SPATA21: variants seen among roughly 807,000 people sequenced by gnomAD.
The protein encoded by SPATA21 is spermatogenesis-associated protein 21.
A neutral mutation model predicts 54.8 loss-of-function variants in SPATA21; 47 were observed. The observed-to-expected ratio is 0.86, with a 90% CI of 0.68 to 1.09. The LOEUF (loss-of-function observed/expected upper bound fraction) is 1.09, where lower values mean the gene tolerates loss of function less well. Ranked by LOEUF, SPATA21 falls within the 50% of genes least tolerant of loss-of-function variation. The pLI is 0.00. For missense variants in SPATA21, 599 were observed against 596.4 expected, an observed-to-expected ratio of 1.00 and a Z score of -0.05; for synonymous variants, 245 against 235.3, an observed-to-expected ratio of 1.04 and a Z score of -0.38.
intron 5 of SPATA21, among the ~76,000 whole-genome samples, chr1:16,412,785 T>C (rs1282958427): frequency 6.6e-6 from 1 of 151,430 alleles, no homozygotes; most frequent in Admixed American, 6.6e-5. Flanking sequence ...TTAACGATTT[T>C]CTTTCTTTCT....
chr1:16,421,575 C>T lies in SPATA21; in HGVS notation c.96-18G>A. 2.5e-6 allele frequency: 4 copies of T among 1,611,548 alleles called. No individual in the cohort carries two copies. The highest frequency in any genetic ancestry group is 3.4e-6 in the Non-Finnish European group (4 of 1,179,104). On this transcript the variant is annotated intron_variant, in intron 4 of 12. Transcript: ENST00000335496. The surrounding 1 kb of genome is among the most constrained non-coding windows in gnomAD (Gnocchi z 5.2). ...CCTCACCCCTGAATAGAAGAGAAAC[C>T]CCCAGGTGGGGGAAGCGCTCAGCTG...
intron 5 of SPATA21, among the ~76,000 whole-genome samples, chr1:16,413,028 C>T (rs530822993): frequency 2.0e-5 from 3 of 151,330 alleles, no homozygotes; most frequent in South Asian, 4.2e-4. Flanking sequence ...TTGATCCGCC[C>T]GCCTTGGCCT....
Position 16,421,389 on chromosome 1 carries a change from T to C in SPATA21, c.144+120A>G. 1 of 984,848 alleles carries C rather than the reference T, an allele frequency of 1.0e-6. No individual in the cohort carries two copies. Among genetic ancestry groups the C allele is most frequent in the Admixed American group, 2.6e-5 (1 of 38,136 alleles). The allele number at this position is 984,848 out of a possible 1,614,324, so 61.0% of individuals were successfully genotyped here. ...AACACACAGCCACACACACCTTCCT[T>C]GGTTTGACTCCAAATAGGGGTTTGA... On this transcript the variant is annotated intron_variant, in intron 5 of 12. Transcript: ENST00000335496. This position sits in a 1 kb window ranked among gnomAD's most constrained non-coding sequence, Gnocchi z 5.2.
At chr1:16,427,408 C>A (rs1008913312) in intron 3 of SPATA21, among the ~76,000 whole-genome samples, 4 of 151,986 alleles carry the variant, frequency 2.6e-5, no homozygotes, top group Non-Finnish European at 5.9e-5. Flanking sequence ...CTATCTGGCT[C>A]GCTCTTGATT....
intron 7 of SPATA21, among the ~76,000 whole-genome samples, chr1:16,408,004 C>G: frequency 6.8e-6 from 1 of 146,542 alleles, no homozygotes; most frequent in Non-Finnish European, 1.5e-5. Flanking sequence ...TGGCCTCAAG[C>G]GATCCTCCTG....
chr1:16,432,114 CTTTTTTTT>C (rs35240103), intron 2 of SPATA21, among the ~76,000 whole-genome samples: 1 of 133,116 alleles, frequency 7.5e-6, no homozygotes, highest in East Asian at 2.3e-4. Context: ...TCTTCTTCTT[CTTTTTTTT>C]TTTTTTTTGT....
rs903743071 is a variant in SPATA21, at chr1:16,428,047, G to A, written c.34+3291C>T. 3 of 1,532,246 alleles carry A rather than the reference G, an allele frequency of 2.0e-6. No homozygotes were observed. The highest frequency in any genetic ancestry group is 2.6e-6 in the Non-Finnish European group (3 of 1,132,508). 94.9% of individuals were successfully genotyped at this position (1,532,246 alleles called of 1,614,324 possible). A position where few individuals can be genotyped will look rare whatever the true frequency, so the allele number is the denominator to read the frequency against. ...AGAGATATCCATGGCAGTGGCTTGAGGGCTGGCATTGAGTACCCGTTCTGG... is the reference window on the plus strand; with the variant it reads ...AGAGATATCCATGGCAGTGGCTTGAAGGCTGGCATTGAGTACCCGTTCTGG... On this transcript the variant is annotated intron_variant, in intron 3 of 12. Transcript: ENST00000335496. This position sits in a 1 kb window ranked among gnomAD's most constrained non-coding sequence, Gnocchi z 4.3.
In SPATA21 at chr1:16,409,768, C is replaced by T. The variant is rs567969050; in HGVS notation, c.420G>A (p.Ser140=). Residue 140 remains serine, a synonymous_variant, in exon 6 of 13, where the codon TCG becomes TCA. Coordinates refer to ENST00000335496, the MANE Select transcript of SPATA21 (RefSeq NM_198546.1). This position sits in a 1 kb window ranked among gnomAD's most constrained non-coding sequence, Gnocchi z 4.1. ...GCCCAGGAGCTGGCAGCCGGGCCCA[C>T]GATGGGCCGCTGGCAGGGACCGAGG... ...TPASVPASGP[S]WARLPAPGPE... is the part of the protein sequence containing the mutation. The T allele has an allele frequency of 8.7e-6, 14 of 1,605,096 alleles. No individual in the cohort carries two copies. The highest frequency in any genetic ancestry group is 1.1e-5 in the South Asian group (1 of 89,918).
chr1:16,421,762 A>T lies in SPATA21; in HGVS notation c.95+149T>A. On this transcript the variant is annotated intron_variant, in intron 4 of 12. Transcript: ENST00000335496. The surrounding 1 kb of genome is among the most constrained non-coding windows in gnomAD (Gnocchi z 5.2). The stretch of plus-strand genomic sequence containing the variant: ...AATTCTGGTATTCCAGCCATTACAC[A>T]GATGGGGAAATTGAGACCCAGCGGA... 1 of 1,294,500 alleles carries T rather than the reference A, an allele frequency of 7.7e-7. No homozygotes were observed. The allele number at this position is 1,294,500 out of a possible 1,614,324, so 80.2% of individuals were successfully genotyped here.
At chr1:16,403,511 CAG>C (rs1176792322) in intron 10 of SPATA21, among the ~76,000 whole-genome samples, 3 of 123,544 alleles carry the variant, frequency 2.4e-5, no homozygotes, top group East Asian at 2.8e-4. Flanking sequence ...TTTTTTGAGA[CAG>C]AGTCTCACTC....
chr1:16,403,492 CTT>C (rs1202879935), intron 10 of SPATA21, among the ~76,000 whole-genome samples: 5 of 83,354 alleles, frequency 6.0e-5, no homozygotes, highest in Admixed American at 2.5e-4. Context: ...TCTTTTTTTT[CTT>C]TTTTTTTTTT....
intron 1 of SPATA21, among the ~76,000 whole-genome samples, chr1:16,433,135 G>A (rs771364665): frequency 1.3e-5 from 2 of 152,208 alleles, no homozygotes; most frequent in African/African-American, 4.8e-5. Flanking sequence ...CCCGTGCTAG[G>A]GACAACGTCA....
rs1390470064 is a variant in SPATA21, at chr1:16,421,476, G to A, written c.144+33C>T. The A allele has an allele frequency of 1.3e-6, 2 of 1,597,072 alleles. No individual in the cohort carries two copies. The highest frequency in any genetic ancestry group is 2.7e-5 in the African/African-American group (2 of 74,176). On this transcript the variant is annotated intron_variant, in intron 5 of 12. Coordinates refer to ENST00000335496, the MANE Select transcript of SPATA21 (RefSeq NM_198546.1). This position sits in a 1 kb window ranked among gnomAD's most constrained non-coding sequence, Gnocchi z 5.2. ...ATCCCCCCTGCCTTTCTCCTACACA[G>A]CTCGTCCCCGTTCCCCCTATGGCCC...
chr1:16,411,458 G>A (rs1173092143), intron 5 of SPATA21, among the ~76,000 whole-genome samples: 2 of 152,022 alleles, frequency 1.3e-5, no homozygotes, highest in African/African-American at 4.8e-5. Flanking sequence ...TGCTGGGATT[G>A]CAGATGTGTG....
Position 16,421,515 on chromosome 1 carries a change from A to G in SPATA21, c.138T>C (p.Pro46=). Residue 46 remains proline, a synonymous_variant, in exon 5 of 13, where the codon CCT becomes CCC. Transcript: ENST00000335496. This position sits in a 1 kb window ranked among gnomAD's most constrained non-coding sequence, Gnocchi z 5.2. ...CCCCTATGGCCCTACTTACTGGTGG[A>G]GGAAGAGGCCCCGGTGCTGGGTGGG... ...VETHPAPGPL[P]PPEVRDIGER... 3 of 1,613,100 alleles carry G rather than the reference A, an allele frequency of 1.9e-6. No individual in the cohort carries two copies. The highest frequency in any genetic ancestry group is 8.5e-7 in the Non-Finnish European group (1 of 1,179,638).
rs1411487499 is a variant in SPATA21 at position 16,414,082 on chromosome 1, T to C, written c.145-4039A>G. 2.0e-5 allele frequency among the ~76,000 whole-genome samples: 3 copies of C among 152,096 alleles called. No homozygotes were observed. In the East Asian group the frequency reaches 5.8e-4, roughly 29 times the overall value. On this transcript the variant is annotated intron_variant, in intron 5 of 12. Coordinates refer to ENST00000335496, the MANE Select transcript of SPATA21 (RefSeq NM_198546.1). ...CCTAGAGTTCTTTTTTTTTATTTTT[T>C]TGGGACAGAGTCTCGCTCTGTTGCC...
chr1:16,434,490 G>A (rs2086538499), intron 1 of SPATA21, among the ~76,000 whole-genome samples: 1 of 152,010 alleles, frequency 6.6e-6, no homozygotes, highest in Non-Finnish European at 1.5e-5. Flanking sequence ...TAGAGGCGAG[G>A]TCTCATTAGG....
chr1:16,398,932 C>G, intron 12 of SPATA21, 110 bp from the exon 13 acceptor site: 2 of 1,163,488 alleles, frequency 1.7e-6, no homozygotes, highest in Non-Finnish European at 2.4e-6. Context: ...GAGGCCTCCC[C>G]TCAGAAATGG....
chr1:16,403,947 G>T (rs752335184), intron 9 of SPATA21, 21 bp downstream of exon 9: 2 of 1,605,652 alleles, frequency 1.2e-6, no homozygotes, highest in Admixed American at 1.7e-5. Flanking sequence ...TTCTGACTAC[G>T]CTGGGCTCAT....
Sources: gnomAD v4.1 joint callset for allele counts (sites outside exome capture counted in the v4.1 genomes callset) on GRCh38, gnomAD v4.1.1 for gene constraint, Gnocchi (gnomAD v3.1) non-coding constraint, MANE v1.5 for transcripts, NCBI Gene and HGNC (gene_info 2026-07-23, HGNC 2026-07-21) for gene names.